The following FHIT variants were observed in gnomAD, a reference collection of about 807,000 sequenced individuals.
The protein encoded by FHIT is fragile histidine triad diadenosine triphosphatase, also known as bis(5'-adenosyl)-triphosphatase.
A neutral mutation model predicts 17.9 loss-of-function variants in FHIT; 19 were observed. The observed-to-expected ratio is 1.06, with a 90% CI of 0.74 to 1.56. The LOEUF (loss-of-function observed/expected upper bound fraction) is 1.56, where lower values mean the gene tolerates loss of function less well. Among genes scored for constraint, FHIT ranks in the 40% most tolerant of loss-of-function variants. The pLI is 0.00. For synonymous variants in FHIT, 81 were observed against 69.7 expected (o/e 1.16, Z -0.81); for missense variants, 248 against 189.2 (o/e 1.31, Z -1.82).
intron 3 of FHIT, among the ~76,000 whole-genome samples, chr3:60,862,686 T>G (rs1224436360): frequency 6.6e-6 from 1 of 151,908 alleles, no homozygotes; most frequent in African/African-American, 2.4e-5. Flanking sequence ...CCCCTGTCTC[T>G]ACTAAAAATA....
At chr3:60,970,826 A>G (rs1363584587) in intron 3 of FHIT, among the ~76,000 whole-genome samples, 1 of 152,168 alleles carries the variant, frequency 6.6e-6, no homozygotes, top group Admixed American at 6.6e-5. Flanking sequence ...AATTCCCAAC[A>G]TATACAAAAA....
intron 5 of FHIT, among the ~76,000 whole-genome samples, chr3:60,092,290 T>C (rs1282201573): frequency 1.3e-5 from 2 of 152,160 alleles, no homozygotes; most frequent in Non-Finnish European, 2.9e-5. Flanking sequence ...TGAGTTTTGA[T>C]TACATAAAGA....
chr3:59,941,394 TCTC>T (rs1706509690), intron 7 of FHIT, among the ~76,000 whole-genome samples: 1 of 152,136 alleles, frequency 6.6e-6, no homozygotes, highest in Non-Finnish European at 1.5e-5. Context: ...ACTGTTTTCT[TCTC>T]CTGAAAATTG....
At chr3:60,702,193 C>T (rs2107911942) in intron 4 of FHIT, among the ~76,000 whole-genome samples, 1 of 152,214 alleles carries the variant, frequency 6.6e-6, no homozygotes, top group Non-Finnish European at 1.5e-5. Context: ...ATATTAACTT[C>T]ATATATTTGG....
At chr3:61,058,924 T>C (rs1226563226) in intron 2 of FHIT, among the ~76,000 whole-genome samples, 1 of 152,170 alleles carries the variant, frequency 6.6e-6, no homozygotes, top group East Asian at 1.9e-4. Flanking sequence ...TGAGGTCAAG[T>C]AGTCCCAGTC....
chr3:60,382,072 A>G (rs1418298447), intron 5 of FHIT, among the ~76,000 whole-genome samples: 1 of 152,246 alleles, frequency 6.6e-6, no homozygotes, highest in African/African-American at 2.4e-5. Flanking sequence ...TCCATTGGAC[A>G]GTGGCTAGCC....
chr3:60,280,566 T>TCACACC (rs1441574204), intron 5 of FHIT, among the ~76,000 whole-genome samples: 1 of 152,082 alleles, frequency 6.6e-6, no homozygotes, highest in African/African-American at 2.4e-5. Context: ...GAGATCACTG[T>TCACACC]CACACCCACA....
chr3:60,346,203 A>G (rs6800049), intron 5 of FHIT, among the ~76,000 whole-genome samples: 22,546 of 152,182 alleles, frequency 0.15, 1,764 homozygotes, highest in Non-Finnish European at 0.16. Flanking sequence ...TTATTATTAG[A>G]GAGGCTAGTG....
At chr3:59,859,313 C>T (rs945941193) in intron 8 of FHIT, among the ~76,000 whole-genome samples, 1 of 152,086 alleles carries the variant, frequency 6.6e-6, no homozygotes, top group African/African-American at 2.4e-5. Flanking sequence ...GAATACATGA[C>T]TTGAGTCTAA....
chr3:60,714,732 G>A (rs1428450161), intron 4 of FHIT, among the ~76,000 whole-genome samples: 10 of 152,296 alleles, frequency 6.6e-5, no homozygotes, highest in Admixed American at 2.0e-4. Context: ...TACAAGGGAC[G>A]TGAAGGACCT....
chr3:60,576,949 T>TACGC (rs2037587467), intron 4 of FHIT, among the ~76,000 whole-genome samples: 1 of 146,746 alleles, frequency 6.8e-6, no homozygotes, highest in Non-Finnish European at 1.5e-5. Context: ...TCCATTTGCA[T>TACGC]ACACACACAC....
intron 3 of FHIT, among the ~76,000 whole-genome samples, chr3:60,925,307 G>A (rs1204055305): frequency 6.6e-6 from 1 of 152,176 alleles, no homozygotes; most frequent in Non-Finnish European, 1.5e-5. Context: ...GGCAGCCAGA[G>A]AGAAAGGTCG....
chr3:60,208,620 G>A (rs1703309922), intron 5 of FHIT, among the ~76,000 whole-genome samples: 1 of 152,096 alleles, frequency 6.6e-6, no homozygotes, highest in Admixed American at 6.5e-5. Flanking sequence ...TGTATTTTCA[G>A]TATTTGCTAA....
chr3:60,336,943 T>C (rs1710270607), intron 5 of FHIT, among the ~76,000 whole-genome samples: 1 of 151,504 alleles, frequency 6.6e-6, no homozygotes, highest in Admixed American at 6.6e-5. Flanking sequence ...GTATCTGTTA[T>C]GCTTGAAGAT....
At chr3:60,562,316 C>A (rs2036981616) in intron 4 of FHIT, among the ~76,000 whole-genome samples, 1 of 152,158 alleles carries the variant, frequency 6.6e-6, no homozygotes, top group African/African-American at 2.4e-5. Flanking sequence ...GAGTTAGTAA[C>A]ATTTTCAGAT....
At chr3:60,696,626 A>G (rs2041119212) in intron 4 of FHIT, among the ~76,000 whole-genome samples, 1 of 152,204 alleles carries the variant, frequency 6.6e-6, no homozygotes, top group Admixed American at 6.5e-5. Flanking sequence ...TGCCATCCAC[A>G]AAAGGAAAGA....
intron 5 of FHIT, among the ~76,000 whole-genome samples, chr3:60,279,797 C>T (rs930071802): frequency 2.6e-5 from 4 of 151,820 alleles, no homozygotes; most frequent in Non-Finnish European, 5.9e-5. Flanking sequence ...TTTGGGAGGC[C>T]GAGACGGGCA....
chr3:59,864,424 A>G (rs2106864370), intron 8 of FHIT, among the ~76,000 whole-genome samples: 1 of 152,330 alleles, frequency 6.6e-6, no homozygotes, highest in South Asian at 2.1e-4. Flanking sequence ...AGGACTCCCC[A>G]GCCATGTGGA....
At chr3:61,002,767 A>G (rs932251513) in intron 3 of FHIT, among the ~76,000 whole-genome samples, 1 of 152,120 alleles carries the variant, frequency 6.6e-6, no homozygotes, top group East Asian at 1.9e-4. Flanking sequence ...GCAATGTGCC[A>G]GCATCTGCAT....
Sources: allele counts gnomAD v4.1 joint callset (sites outside exome capture counted in the v4.1 genomes callset), GRCh38; gene constraint gnomAD v4.1.1; transcripts MANE v1.5; gene names NCBI Gene and HGNC (gene_info 2026-07-23, HGNC 2026-07-21).